The following CLVS1 variants were observed in gnomAD, a reference collection of about 807,000 sequenced individuals.
The protein encoded by CLVS1 is clavesin 1, also known as clavesin-1.
Under a neutral mutation model 33.1 loss-of-function variants are expected in CLVS1, and 10 were observed. The observed-to-expected ratio is 0.30, with a 90% CI of 0.19 to 0.51. CLVS1 has a LOEUF of 0.51. CLVS1 is among the 20% of genes least tolerant of loss of function. The pLI is 0.97. For synonymous variants in CLVS1, 163 were observed against 166.1 expected (o/e 0.98, Z 0.14); for missense variants, 343 against 433.4 (o/e 0.79, Z 1.85).
At chr8:61,344,761 A>G (rs1812145232) in intron 2 of CLVS1, among the ~76,000 whole-genome samples, 1 of 152,268 alleles carries the variant, frequency 6.6e-6, no homozygotes, top group African/African-American at 2.4e-5. Context: ...TGAAGGAGCT[A>G]ATTTTATTTT....
intron 3 of CLVS1, among the ~76,000 whole-genome samples, chr8:61,394,130 T>C (rs1269777865): frequency 2.0e-5 from 3 of 152,188 alleles, no homozygotes; most frequent in Non-Finnish European, 2.9e-5. Flanking sequence ...GTGGATCACT[T>C]GAGGGCAGGA....
At chr8:61,250,972 A>G (rs950408766) in intron 2 of CLVS1, among the ~76,000 whole-genome samples, 2 of 152,192 alleles carry the variant, frequency 1.3e-5, no homozygotes, top group African/African-American at 2.4e-5. Context: ...GTGGTGAGAG[A>G]GGGCATCCTT....
intron 2 of CLVS1, among the ~76,000 whole-genome samples, chr8:61,279,072 G>A (rs943137662): frequency 1.3e-5 from 2 of 152,218 alleles, no homozygotes; most frequent in Non-Finnish European, 2.9e-5. Context: ...GGGTGTGGGA[G>A]CCGGGGCCTC....
intron 1 of CLVS1, among the ~76,000 whole-genome samples, chr8:61,099,715 T>G (rs1416167873): frequency 6.6e-6 from 1 of 152,176 alleles, no homozygotes; most frequent in Non-Finnish European, 1.5e-5. Context: ...GGTTATCTGT[T>G]GAAAGTTTAT....
At chr8:61,116,277 C>T (rs1380933364) in intron 1 of CLVS1, among the ~76,000 whole-genome samples, 1 of 151,900 alleles carries the variant, frequency 6.6e-6, no homozygotes, top group Non-Finnish European at 1.5e-5. Context: ...GATATTAGCC[C>T]TTTGTCAGAT....
chr8:61,044,299 T>G, the CLVS1 span, among the ~76,000 whole-genome samples: 1 of 152,176 alleles, frequency 6.6e-6, no homozygotes, highest in Admixed American at 6.5e-5. Context: ...GAAAAATATT[T>G]CTTGACATGC....
chr8:60,979,212 G>C, the CLVS1 span, among the ~76,000 whole-genome samples: 144 of 152,236 alleles, frequency 9.5e-4, 4 homozygotes, highest in South Asian at 0.029. Context: ...ATCTATAAAG[G>C]GGGGTTGTTG....
At chr8:61,368,473 T>C (rs887899604) in intron 2 of CLVS1, among the ~76,000 whole-genome samples, 4 of 152,230 alleles carry the variant, frequency 2.6e-5, no homozygotes, top group African/African-American at 9.7e-5. Flanking sequence ...GCCTTGTTCT[T>C]GGACAAGAAC....
intron 3 of CLVS1, among the ~76,000 whole-genome samples, chr8:61,399,104 C>T (rs774338562): frequency 6.6e-6 from 1 of 152,196 alleles, no homozygotes; most frequent in Non-Finnish European, 1.5e-5. Flanking sequence ...GCTTCTGCCT[C>T]TAGATCTTTG....
intron 1 of CLVS1, among the ~76,000 whole-genome samples, chr8:61,070,459 C>T (rs1161442894): frequency 1.3e-5 from 2 of 152,214 alleles, no homozygotes; most frequent in African/African-American, 2.4e-5. Context: ...TTCAATAAAG[C>T]AGCACATTGC....
At chr8:61,022,352 G>A in the CLVS1 span, among the ~76,000 whole-genome samples, 1 of 152,202 alleles carries the variant, frequency 6.6e-6, no homozygotes, top group African/African-American at 2.4e-5. Flanking sequence ...TTAACGAGCA[G>A]CTTATGCCAC....
intron 1 of CLVS1, among the ~76,000 whole-genome samples, chr8:61,067,106 G>C (rs1363954768): frequency 3.9e-5 from 6 of 151,970 alleles, no homozygotes; most frequent in African/African-American, 1.5e-4. Flanking sequence ...GTGACATGAG[G>C]GGGGATGAAA....
chr8:60,984,496 T>G, the CLVS1 span, among the ~76,000 whole-genome samples: 1 of 151,996 alleles, frequency 6.6e-6, no homozygotes, highest in Non-Finnish European at 1.5e-5. Flanking sequence ...CTCCGCTAAT[T>G]TTTGTATTTT....
At position 61,363,992 on chromosome 8, in the gene CLVS1, T is replaced by C. The variant is rs578211151; in HGVS notation, c.456-12613T>C. On this transcript the variant is annotated intron_variant, in intron 2 of 5. Transcript: ENST00000325897. ...ATCTGGTCCTGCCAATTAACTCTCATATTTACAGTGCTCTAGGCTCCAAAT... is the reference window on the plus strand; with the variant it reads ...ATCTGGTCCTGCCAATTAACTCTCACATTTACAGTGCTCTAGGCTCCAAAT... Among the ~76,000 whole-genome samples the C allele has an allele frequency of 5.9e-5, 9 of 152,292 alleles. No homozygotes were observed. The East Asian group carries it at 1.4e-3, about 23-fold the overall frequency.
At chr8:61,127,986 C>T (rs1806007263) in intron 1 of CLVS1, among the ~76,000 whole-genome samples, 2 of 152,214 alleles carry the variant, frequency 1.3e-5, no homozygotes, top group Non-Finnish European at 2.9e-5. Context: ...ATTTTAAAAA[C>T]ACAGAGATGA....
chr8:61,007,307 G>A, the CLVS1 span, among the ~76,000 whole-genome samples: 2 of 152,192 alleles, frequency 1.3e-5, no homozygotes, highest in Non-Finnish European at 2.9e-5. Flanking sequence ...ATACCAGATT[G>A]CTAATGCTGT....
chr8:61,314,985 C>T (rs1458216130), intron 2 of CLVS1, among the ~76,000 whole-genome samples: 1 of 152,142 alleles, frequency 6.6e-6, no homozygotes, highest in Admixed American at 6.5e-5. Context: ...CATCGGTATG[C>T]TTGGAAATGT....
At chr8:61,011,910 G>C in the CLVS1 span, among the ~76,000 whole-genome samples, 9 of 152,226 alleles carry the variant, frequency 5.9e-5, no homozygotes, top group Non-Finnish European at 1.2e-4. Context: ...GGCGATCTGC[G>C]TCTGTTTACC....
intron 2 of CLVS1, among the ~76,000 whole-genome samples, chr8:61,246,380 G>A (rs1198541562): frequency 6.6e-6 from 1 of 151,338 alleles, no homozygotes; most frequent in East Asian, 2.0e-4. Flanking sequence ...ATGTTGGTCA[G>A]GCTGGTCTCG....
Sources: allele counts gnomAD v4.1 joint callset (sites outside exome capture counted in the v4.1 genomes callset), GRCh38; gene constraint gnomAD v4.1.1; transcripts MANE v1.5; gene names NCBI Gene and HGNC (gene_info 2026-07-23, HGNC 2026-07-21).